The following SGIP1 variants were observed in gnomAD, a reference collection of about 807,000 sequenced individuals.
SGIP1 encodes the protein SH3GL interacting endocytic adaptor 1.
SGIP1 carries 38 observed loss-of-function variants against 107.5 expected under a neutral mutation model. The ratio of observed to expected loss-of-function variants is 0.35; its 90% CI spans 0.27 to 0.46. SGIP1 has a LOEUF of 0.46. SGIP1 is among the 20% of genes least tolerant of loss of function. The probability of loss-of-function intolerance (pLI) is 1.00; values close to 1 mark genes in which losing one functional copy is unlikely to be tolerated. For missense variants in SGIP1, 929 were observed against 1,019.5 expected (o/e 0.91, Z 1.21); for synonymous variants, 365 against 366.1 (o/e 1.00, Z 0.03).
At chr1:66,703,862 A>G (rs1210670994) in intron 18 of SGIP1, among the ~76,000 whole-genome samples, 1 of 149,264 alleles carries the variant, frequency 6.7e-6, no homozygotes, top group Non-Finnish European at 1.5e-5. Flanking sequence ...ATATATAAAG[A>G]GAAAAAGAAC....
At chr1:66,693,280 A>G (rs1429831625) in intron 17 of SGIP1, among the ~76,000 whole-genome samples, 1 of 151,296 alleles carries the variant, frequency 6.6e-6, no homozygotes, top group Non-Finnish European at 1.5e-5. Context: ...ATAAATAAAT[A>G]AATAAAAAAC....
At chr1:66,617,767 A>G (rs148293116) in intron 1 of SGIP1, among the ~76,000 whole-genome samples, 1 of 152,224 alleles carries the variant, frequency 6.6e-6, no homozygotes, top group African/African-American at 2.4e-5. Context: ...AGATTTAAAC[A>G]TGCAAAATAC....
intron 1 of SGIP1, among the ~76,000 whole-genome samples, chr1:66,585,218 C>A (rs777188058): frequency 6.6e-6 from 1 of 152,174 alleles, no homozygotes; most frequent in Non-Finnish European, 1.5e-5. Flanking sequence ...GTGCTTCTTG[C>A]ATTCTTAGCC....
At chr1:66,617,284 CA>C (rs1450297038) in intron 1 of SGIP1, among the ~76,000 whole-genome samples, 1 of 152,126 alleles carries the variant, frequency 6.6e-6, no homozygotes, top group Admixed American at 6.5e-5. Flanking sequence ...ATACCCTAGG[CA>C]GTAGTCTATC....
chr1:66,704,240 G>C (rs145955152), intron 18 of SGIP1: 2 of 152,202 alleles, frequency 1.3e-5, no homozygotes, highest in Non-Finnish European at 2.9e-5. Flanking sequence ...TGATTCTGCT[G>C]AGAGTTGCTA....
rs1265421623 is a variant in SGIP1 at position 66,745,219 on chromosome 1, CAT to C, written c.*2126_*2127del. 2 of 151,692 alleles carry C rather than the reference CAT, an allele frequency of 1.3e-5. No individual in the cohort carries two copies. The highest frequency in any genetic ancestry group is 4.8e-5 in the African/African-American group (2 of 41,320). The allele number at this position is 151,692 out of a possible 1,614,324, so 9.4% of individuals were successfully genotyped here. A position where few individuals can be genotyped will look rare whatever the true frequency, so the allele number is the denominator to read the frequency against. On this transcript the variant is annotated 3_prime_UTR_variant, in exon 25 of 25. Coordinates refer to ENST00000371037, the MANE Select transcript of SGIP1 (RefSeq NM_032291.4). ...TGATTTTTAAAAATTTAATTAAAAA[CAT>C]AGATTACAGTAATCTCTAACATTAT...
chr1:66,591,022 A>T (rs186638187), intron 1 of SGIP1, among the ~76,000 whole-genome samples: 57 of 152,348 alleles, frequency 3.7e-4, no homozygotes, highest in Middle Eastern at 6.8e-3. Flanking sequence ...GATCAATGTA[A>T]ATTTTTTAAG....
chr1:66,740,480 GA>G (rs1161149260), intron 22 of SGIP1, among the ~76,000 whole-genome samples, 177 bp from the exon 23 acceptor site: 1 of 151,900 alleles, frequency 6.6e-6, no homozygotes, highest in East Asian at 1.9e-4. Flanking sequence ...AAGGACAGAG[GA>G]AAAAAGAGAT....
chr1:66,541,585 C>A (rs2054961240), intron 1 of SGIP1, among the ~76,000 whole-genome samples: 1 of 152,200 alleles, frequency 6.6e-6, no homozygotes, highest in African/African-American at 2.4e-5. Context: ...AATTACACAT[C>A]TACTCACATG....
At chr1:66,610,659 T>C (rs934258254) in intron 1 of SGIP1, among the ~76,000 whole-genome samples, 1 of 152,044 alleles carries the variant, frequency 6.6e-6, no homozygotes, top group African/African-American at 2.4e-5. Flanking sequence ...CACTTTAAAG[T>C]CTTCTTCAAC....
rs752297268 is a variant in SGIP1, at chr1:66,534,312, G to A, written c.-47G>A. 1 of 1,611,218 alleles carries A rather than the reference G, an allele frequency of 6.2e-7. No homozygotes were observed. The highest frequency in any genetic ancestry group is 8.5e-7 in the Non-Finnish European group (1 of 1,177,434). On this transcript the variant is annotated 5_prime_UTR_variant, in exon 1 of 25. The change creates a new upstream start codon in the 5' untranslated region. Coordinates refer to ENST00000371037, the MANE Select transcript of SGIP1 (RefSeq NM_032291.4). ...CTGGGACCTGGAATCGTATCCTCCTGTGTTTTTTCAGACTCCTTGGAAATT... is the reference window on the plus strand; with the variant it reads ...CTGGGACCTGGAATCGTATCCTCCTATGTTTTTTCAGACTCCTTGGAAATT...
chr1:66,603,047 A>C (rs1372872905), intron 1 of SGIP1, among the ~76,000 whole-genome samples: 2 of 152,198 alleles, frequency 1.3e-5, no homozygotes, highest in Admixed American at 6.5e-5. Context: ...AGAAAGATAT[A>C]AGAAAGTTCA....
intron 19 of SGIP1, among the ~76,000 whole-genome samples, chr1:66,726,537 A>G (rs1000753831): frequency 2.0e-5 from 3 of 152,214 alleles, no homozygotes; most frequent in African/African-American, 7.2e-5. Context: ...AATAGACCAA[A>G]TAAATCTATA....
chr1:66,697,321 G>T (rs1376411255), intron 18 of SGIP1, among the ~76,000 whole-genome samples: 3 of 152,104 alleles, frequency 2.0e-5, no homozygotes, highest in African/African-American at 7.2e-5. Context: ...TAGATGTCTG[G>T]GTATTTAAAG....
chr1:66,643,637 C>T lies in SGIP1; in HGVS notation c.377C>T (p.Ser126Phe). ...KFNIKIKPLQ[S>F]KDILKNAATV... Reference sequence around the variant, plus strand: ...AATATCAAGATTAAACCATTGCAATCTAAAGACATTCTTAAGAATGCTGCA... The same window carrying T: ...AATATCAAGATTAAACCATTGCAATTTAAAGACATTCTTAAGAATGCTGCA... Residue 126 changes from serine (S) to phenylalanine (F), a missense_variant, in exon 7 of 25, where the codon TCT (serine) becomes TTT (phenylalanine). Around this residue, in one of 2 missense-constraint regions of SGIP1, gnomAD observed 588 missense variants for 588.6 expected, o/e 1.00. Transcript: ENST00000371037. The T allele has an allele frequency of 6.2e-7, 1 of 1,611,326 alleles. No homozygotes were observed.
intron 1 of SGIP1, among the ~76,000 whole-genome samples, chr1:66,540,966 G>A (rs975255143): frequency 2.0e-5 from 3 of 152,164 alleles, no homozygotes; most frequent in South Asian, 2.1e-4. Context: ...TCCAAGGTTT[G>A]AATTCTAATG....
chr1:66,630,911 G>A (rs2074365258), intron 2 of SGIP1, among the ~76,000 whole-genome samples: 1 of 67,672 alleles, frequency 1.5e-5, no homozygotes, highest in Non-Finnish European at 2.8e-5. Context: ...AAGAAGGGAG[G>A]GAGGGAGGGA....
At chr1:66,599,553 C>G (rs2065352224) in intron 1 of SGIP1, among the ~76,000 whole-genome samples, 1 of 152,170 alleles carries the variant, frequency 6.6e-6, no homozygotes, top group Non-Finnish European at 1.5e-5. Context: ...CCAAATCCTC[C>G]CACGCCTTCT....
chr1:66,571,552 T>C (rs2060382453), intron 1 of SGIP1, among the ~76,000 whole-genome samples: 1 of 152,000 alleles, frequency 6.6e-6, no homozygotes, highest in South Asian at 2.1e-4. Flanking sequence ...ATCTTGATAA[T>C]TGAGTGTTTG....
Sources: allele counts gnomAD v4.1 joint callset (sites outside exome capture counted in the v4.1 genomes callset), GRCh38; gene constraint gnomAD v4.1.1; regional missense constraint gnomAD v4.1.1; transcripts MANE v1.5; gene names NCBI Gene and HGNC (gene_info 2026-07-23, HGNC 2026-07-21).